Variants in XRRA1 observed in about 807,000 individuals in gnomAD.
XRRA1 encodes the protein X-ray radiation resistance associated 1.
Under a neutral mutation model 80.2 loss-of-function variants are expected in XRRA1, and 69 were observed. That is an observed-to-expected ratio of 0.86 (90% CI 0.71 to 1.05). The LOEUF (loss-of-function observed/expected upper bound fraction) is 1.05. Ranked by LOEUF, XRRA1 falls within the 50% of genes least tolerant of loss-of-function variation. The pLI, the probability that XRRA1 is intolerant of heterozygous loss-of-function variation, is 0.00. For synonymous variants in XRRA1, 348 were observed against 389.9 expected (o/e 0.89, Z 1.27); for missense variants, 967 against 976.4 (o/e 0.99, Z 0.13).
In XRRA1 at chr11:74,852,001, C is replaced by A; in HGVS notation, c.1252G>T (p.Ala418Ser). ...EFVFHNNPLV[A>S]HTRGVPPLLK... ...GCGGGCACTATACCTCGTGTATGGG[C>A]CACCAGAGGGTTGTTATGAAAGACG... The change falls in exon 13 of 19, where the codon GCC (alanine) becomes TCC (serine). Residue 418 changes from alanine to serine, a missense_variant. Physicochemically the swap from Ala to Ser is moderately conservative, Grantham distance 99. Coordinates refer to ENST00000684022, the MANE Select transcript of XRRA1 (RefSeq NM_001378157.1). 6.2e-7 allele frequency: 1 copy of A among 1,613,822 alleles called. No individual in the cohort carries two copies. Among genetic ancestry groups the A allele is most frequent in the South Asian group, 1.1e-5 (1 of 91,078 alleles).
chr11:74,881,763 ATGAAGCTTAG>A (rs1360774759), intron 10 of XRRA1, among the ~76,000 whole-genome samples: 2 of 148,808 alleles, frequency 1.3e-5, no homozygotes, highest in Admixed American at 1.3e-4. Context: ...TCCTTCACTT[ATGAAGCTTAG>A]TTTGGCTGGA....
rs1944338835 is a variant in XRRA1, at chr11:74,934,066, T to C, written c.280-194A>G. On this transcript the variant is annotated intron_variant, in intron 4 of 18. Transcript: ENST00000684022. ...ATTTACCAAACACTAAATTGGGCCA[T>C]ACGCTTTGCTGAATACATTAACAAA... is the stretch of plus-strand genomic sequence containing the variant. Among the ~76,000 whole-genome samples the C allele has an allele frequency of 2.6e-5, 4 of 152,234 alleles. No homozygotes were observed. The South Asian group carries it at 8.3e-4, about 32-fold the overall frequency.
chr11:74,929,108 C>T (rs1407789072), intron 6 of XRRA1, among the ~76,000 whole-genome samples: 3 of 152,206 alleles, frequency 2.0e-5, no homozygotes, highest in African/African-American at 7.2e-5. Context: ...TCATATGCTT[C>T]TTTGAAAACA....
At chr11:74,872,828 A>G (rs1020030888) in intron 10 of XRRA1, among the ~76,000 whole-genome samples, 1 of 152,176 alleles carries the variant, frequency 6.6e-6, no homozygotes, top group Non-Finnish European at 1.5e-5. Flanking sequence ...TCTTCTAGAC[A>G]TTGGAACCAG....
intron 3 of XRRA1, 58 bp downstream of exon 3, chr11:74,940,727 T>C: frequency 7.2e-7 from 1 of 1,380,380 alleles, no homozygotes; most frequent in East Asian, 2.5e-5. Context: ...AGATGTGAGA[T>C]GGTCTAAAGC....
intron 8 of XRRA1, chr11:74,909,755 G>A (rs527529): frequency 0.34 from 51,164 of 152,018 alleles, 9,512 homozygotes; most frequent in Non-Finnish European, 0.43. Flanking sequence ...GCTGTTCAGA[G>A]TGGTGCTATT....
intron 12 of XRRA1, among the ~76,000 whole-genome samples, chr11:74,853,265 G>A (rs1302696380): frequency 1.3e-5 from 2 of 152,200 alleles, no homozygotes; most frequent in Admixed American, 6.5e-5. Flanking sequence ...GAAGGAGGAG[G>A]AGGAGGTAAT....
At chr11:74,946,532 T>A (rs534879230) in intron 1 of XRRA1, among the ~76,000 whole-genome samples, 1 of 152,352 alleles carries the variant, frequency 6.6e-6, no homozygotes, top group Non-Finnish European at 1.5e-5. Context: ...GTAAATTTCC[T>A]GAGGCCTCCC....
intron 12 of XRRA1, among the ~76,000 whole-genome samples, chr11:74,854,890 C>T (rs1387528915): frequency 6.6e-6 from 1 of 151,838 alleles, no homozygotes; most frequent in African/African-American, 2.4e-5. Flanking sequence ...AACAACAAAA[C>T]CCCACAAAAA....
At chr11:74,845,727 T>G (rs1220016059) in intron 15 of XRRA1, among the ~76,000 whole-genome samples, 1 of 152,216 alleles carries the variant, frequency 6.6e-6, no homozygotes, top group Non-Finnish European at 1.5e-5. Context: ...GATAGGCAAC[T>G]GCAGTGGTAA....
intron 1 of XRRA1, among the ~76,000 whole-genome samples, chr11:74,945,624 A>C (rs570757591): frequency 6.7e-6 from 1 of 150,314 alleles, no homozygotes; most frequent in Non-Finnish European, 1.5e-5. Flanking sequence ...CCCTGGTTAC[A>C]TTATCTAAGA....
intron 8 of XRRA1, among the ~76,000 whole-genome samples, chr11:74,917,833 G>A (rs1939224484): frequency 6.6e-6 from 1 of 152,126 alleles, no homozygotes; most frequent in Non-Finnish European, 1.5e-5. Context: ...TGGTTCCACT[G>A]AACTGGAAGT....
At chr11:74,863,075 A>T in intron 10 of XRRA1, 54 bp from the exon 11 acceptor site, 1 of 1,524,522 alleles carries the variant, frequency 6.6e-7, no homozygotes, top group Non-Finnish European at 9.0e-7. Flanking sequence ...ATTGATGCCT[A>T]GAGCACCCAG....
At chr11:74,924,224 C>T (rs1941650025) in intron 7 of XRRA1, among the ~76,000 whole-genome samples, 1 of 150,834 alleles carries the variant, frequency 6.6e-6, no homozygotes, top group South Asian at 2.1e-4. Flanking sequence ...GCCTGTAATC[C>T]CAGCACTTTG....
At position 74,865,198 on chromosome 11, in the gene XRRA1, C is replaced by A. The variant is rs114096469; in HGVS notation, c.1004-2177G>T. 4.8e-3 allele frequency among the ~76,000 whole-genome samples: 719 copies of A among 148,922 alleles called. 11 individuals carry two copies. Among genetic ancestry groups the A allele is most frequent in the African/African-American group, 0.017 (686 of 40,364 alleles). On this transcript the variant is annotated intron_variant, in intron 10 of 18. Transcript: ENST00000684022. ...TCCTGCTGCAATCAGGTTACTATCT[C>A]ATCTGCATAGGGACTTGCTAGGAGA...
At chr11:74,920,756 G>A (rs945246712) in intron 8 of XRRA1, among the ~76,000 whole-genome samples, 4 of 152,196 alleles carry the variant, frequency 2.6e-5, no homozygotes, top group African/African-American at 7.2e-5. Flanking sequence ...GCTGTTATGA[G>A]GATTTAATGA....
intron 8 of XRRA1, among the ~76,000 whole-genome samples, chr11:74,916,653 G>A (rs1938803887): frequency 6.6e-6 from 1 of 151,796 alleles, no homozygotes; most frequent in Admixed American, 6.6e-5. Context: ...CACTTTCTCA[G>A]GGATAGTTTC....
At chr11:74,883,158 G>T (rs2048125622) in intron 10 of XRRA1, among the ~76,000 whole-genome samples, 1 of 152,178 alleles carries the variant, frequency 6.6e-6, no homozygotes, top group South Asian at 2.1e-4. Context: ...CTAGCAATCT[G>T]TGAGACTCCG....
intron 4 of XRRA1, among the ~76,000 whole-genome samples, chr11:74,935,196 A>G (rs1944653021): frequency 6.6e-6 from 1 of 152,244 alleles, no homozygotes; most frequent in Admixed American, 6.5e-5. Flanking sequence ...GACATTAGTC[A>G]GTAACAATCC....
Sources: allele counts gnomAD v4.1 joint callset (sites outside exome capture counted in the v4.1 genomes callset), GRCh38; gene constraint gnomAD v4.1.1; transcripts MANE v1.5; gene names NCBI Gene and HGNC (gene_info 2026-07-23, HGNC 2026-07-21).